The following KIAA1217 variants were observed in gnomAD, a reference collection of about 807,000 sequenced individuals.
The protein encoded by KIAA1217 is sickle tail protein homolog.
KIAA1217 carries 88 observed loss-of-function variants against 163.9 expected under a neutral mutation model. The observed-to-expected ratio is 0.54, with a 90% CI of 0.45 to 0.64. The LOEUF is 0.64. Ranked by LOEUF, KIAA1217 falls within the 30% of genes least tolerant of loss-of-function variation. KIAA1217 has a pLI of 0.00. For synonymous variants in KIAA1217, 903 were observed against 923.1 expected, an observed-to-expected ratio of 0.98 and a Z score of 0.39; for missense variants, 2,372 against 2,475.0, an observed-to-expected ratio of 0.96 and a Z score of 0.88.
Position 24,544,981 on chromosome 10 carries a change from G to C in KIAA1217, c.5212G>C (p.Gly1738Arg), listed in dbSNP as rs1380251208. The change falls in exon 20 of 21, where the codon GGC (glycine) becomes CGC (arginine). Residue 1738 changes from glycine to arginine, a missense_variant and splice_region_variant. By Grantham distance (125) the Gly-to-Arg change is moderately radical (BLOSUM62 -2). This residue lies in a region of KIAA1217 where 690 missense variants were observed against 677.5 expected (regional missense o/e 1.02). Coordinates refer to ENST00000376454, the MANE Select transcript of KIAA1217 (RefSeq NM_019590.5). The part of the protein sequence containing the change: ...PTSIPSASRK[G>R]SSGAPQTSRM... ...CCCCTCTCACTGGTCCTTCCCACAG[G>C]GCTCCAGCGGGGCCCCACAGACGAG... The C allele has an allele frequency of 1.2e-6, 2 of 1,613,652 alleles. No homozygotes were observed. Among genetic ancestry groups the C allele is most frequent in the Non-Finnish European group, 1.7e-6 (2 of 1,179,858 alleles).
At chr10:24,164,969 A>C (rs961401861) in intron 2 of KIAA1217, among the ~76,000 whole-genome samples, 1 of 152,208 alleles carries the variant, frequency 6.6e-6, no homozygotes, top group Non-Finnish European at 1.5e-5. Flanking sequence ...ATTGAAGAGA[A>C]GAGTGCTGGC....
intron 2 of KIAA1217, chr10:24,275,789 T>C (rs748400551): frequency 1.2e-5 from 6 of 516,012 alleles, no homozygotes; most frequent in South Asian, 8.8e-5. Context: ...CTTGGCTTTA[T>C]TGACTTTTAG....
chr10:24,530,423 G>A (rs920517544), intron 14 of KIAA1217, among the ~76,000 whole-genome samples: 5 of 152,132 alleles, frequency 3.3e-5, no homozygotes, highest in African/African-American at 9.7e-5. Flanking sequence ...GGTAGCATCC[G>A]TGACCTGTAA....
intron 1 of KIAA1217, among the ~76,000 whole-genome samples, chr10:23,941,020 G>T (rs961706466): frequency 2.6e-5 from 4 of 152,208 alleles, no homozygotes; most frequent in Admixed American, 2.6e-4. Flanking sequence ...GAGCAGCTCT[G>T]TCTGCAGGCG....
At chr10:24,331,613 G>A (rs970542408) in intron 2 of KIAA1217, among the ~76,000 whole-genome samples, 1 of 152,216 alleles carries the variant, frequency 6.6e-6, no homozygotes. Context: ...TAAGAATGCT[G>A]CAATGAAGCG....
intron 3 of KIAA1217, among the ~76,000 whole-genome samples, chr10:24,419,172 CAAAA>C (rs71397949): frequency 6.1e-5 from 5 of 82,600 alleles, no homozygotes; most frequent in Non-Finnish European, 7.2e-5. Flanking sequence ...GACTCGTCTC[CAAAA>C]AAAAAAAAAA....
chr10:23,785,520 T>C (rs929743280), intron 1 of KIAA1217, among the ~76,000 whole-genome samples: 9 of 152,196 alleles, frequency 5.9e-5, no homozygotes, highest in Admixed American at 3.3e-4. Context: ...TTCATCACTT[T>C]GAATTTCAAT....
chr10:23,748,316 AT>A (rs1839521204), intron 1 of KIAA1217, among the ~76,000 whole-genome samples: 1 of 151,368 alleles, frequency 6.6e-6, no homozygotes, highest in East Asian at 2.0e-4. Flanking sequence ...AAGAATTTTA[AT>A]TTTCTAGCAG....
intron 19 of KIAA1217, 145 bp downstream of exon 19, chr10:24,544,626 T>G: frequency 1.0e-6 from 1 of 957,264 alleles, no homozygotes; most frequent in South Asian, 1.8e-5. Flanking sequence ...AAACCCTTCT[T>G]TCATACTTTC....
At chr10:24,070,025 A>C (rs1054236584) in intron 2 of KIAA1217, among the ~76,000 whole-genome samples, 2 of 152,126 alleles carry the variant, frequency 1.3e-5, no homozygotes, top group African/African-American at 4.8e-5. Flanking sequence ...TTTTTTGTAG[A>C]GATAGTGTCT....
At chr10:23,863,465 G>A (rs1326383986) in intron 1 of KIAA1217, among the ~76,000 whole-genome samples, 1 of 152,162 alleles carries the variant, frequency 6.6e-6, no homozygotes, top group African/African-American at 2.4e-5. Flanking sequence ...CAACATTTAG[G>A]CTGGCTTGAT....
rs747140526 is a variant in KIAA1217, at chr10:24,543,554, G to A, written c.4284G>A (p.Gly1428=). ...ARKEMTPRQE[G]TDNEDPVVCL... is the part of the protein sequence containing the mutation. ...AAGAGATGACCCCCCGACAAGAAGG[G>A]ACTGACAATGAGGATCCAGTCGTGT... Residue 1428 remains glycine, a synonymous_variant, in exon 19 of 21, where the codon GGG becomes GGA. Transcript: ENST00000376454. 1 of 1,614,100 alleles carries A rather than the reference G, an allele frequency of 6.2e-7. No individual in the cohort carries two copies. Among genetic ancestry groups the A allele is most frequent in the Non-Finnish European group, 8.5e-7 (1 of 1,180,024 alleles).
chr10:23,928,866 G>A (rs529186666), intron 1 of KIAA1217, among the ~76,000 whole-genome samples: 2 of 152,304 alleles, frequency 1.3e-5, no homozygotes, highest in South Asian at 4.1e-4. Context: ...TAGCCACTCT[G>A]TGGCCATCTT....
At position 24,439,343 on chromosome 10, in the gene KIAA1217, G is replaced by A. The variant is rs374803328; in HGVS notation, c.846+864G>A. Reference sequence around the variant, plus strand: ...CATCTTTTCTACAGATTAGCACTTGGCTGGATGCTCAAGTTTAGCTAGAAA... The same window carrying A: ...CATCTTTTCTACAGATTAGCACTTGACTGGATGCTCAAGTTTAGCTAGAAA... On this transcript the variant is annotated intron_variant, in intron 5 of 20. Transcript: ENST00000376454. Among the ~76,000 whole-genome samples, 18 of 152,190 alleles carry A rather than the reference G, an allele frequency of 1.2e-4. No individual in the cohort carries two copies. In the South Asian group the frequency reaches 2.9e-3, roughly 25 times the overall value.
intron 1 of KIAA1217, among the ~76,000 whole-genome samples, chr10:23,824,632 A>G (rs1837788923): frequency 6.8e-5 from 2 of 29,226 alleles, no homozygotes; most frequent in African/African-American, 1.6e-4. Context: ...CTGTCTCAAG[A>G]AAAAAAAAAA....
chr10:24,467,225 T>C (rs2063047289), intron 5 of KIAA1217, among the ~76,000 whole-genome samples: 1 of 152,240 alleles, frequency 6.6e-6, no homozygotes. Flanking sequence ...AGATATTTTC[T>C]GGTGTTTCAG....
At position 23,859,004 on chromosome 10, in the gene KIAA1217, A is replaced by G. The variant is rs7916997; in HGVS notation, c.-320-148221A>G. ...AAGATAAAATGCAGGAAGAAATTTA[A>G]ACTTATTCTAAGCCAGTGGAGCACA... On this transcript the variant is annotated intron_variant, in intron 1 of 18. Transcript: ENST00000376462. Among the ~76,000 whole-genome samples, 1,110 of 152,330 alleles carry G rather than the reference A, an allele frequency of 7.3e-3. 20 individuals are homozygous for G. Among genetic ancestry groups the G allele is most frequent in the African/African-American group, 0.026 (1,068 of 41,580 alleles).
intron 2 of KIAA1217, among the ~76,000 whole-genome samples, chr10:24,222,665 A>C (rs975711691): frequency 1.3e-4 from 19 of 151,972 alleles, no homozygotes. Context: ...ATGCACCACC[A>C]CACCCAGCTA....
chr10:24,417,805 C>T (rs953297172), intron 3 of KIAA1217, among the ~76,000 whole-genome samples: 1 of 151,748 alleles, frequency 6.6e-6, no homozygotes, highest in Non-Finnish European at 1.5e-5. Context: ...AATGGAATCC[C>T]ACAGCCACAG....
Sources: gnomAD v4.1 joint callset for allele counts (sites outside exome capture counted in the v4.1 genomes callset) on GRCh38, gnomAD v4.1.1 for gene constraint, gnomAD v4.1.1 regional missense constraint, MANE v1.5 for transcripts, NCBI Gene and HGNC (gene_info 2026-07-23, HGNC 2026-07-21) for gene names.